Variants in GIPC2 observed in about 807,000 individuals in gnomAD.
The protein encoded by GIPC2 is GIPC PDZ domain containing family member 2.
A neutral mutation model predicts 30.6 loss-of-function variants in GIPC2; 30 were observed. The observed-to-expected ratio is 0.98, with a 90% CI of 0.73 to 1.33. The LOEUF is 1.33. Among genes scored for constraint, GIPC2 ranks in the 40% most tolerant of loss-of-function variants. The pLI is 0.00. For missense variants in GIPC2, 414 were observed against 390.3 expected, an observed-to-expected ratio of 1.06 and a Z score of -0.51; for synonymous variants, 167 against 150.0, an observed-to-expected ratio of 1.11 and a Z score of -0.83.
intron 2 of GIPC2, among the ~76,000 whole-genome samples, chr1:78,087,419 A>T (rs1325675896): frequency 6.6e-6 from 1 of 152,204 alleles, no homozygotes; most frequent in Non-Finnish European, 1.5e-5. Context: ...ATGGAACAGA[A>T]TAGAGAGCCC....
chr1:78,130,741 T>C lies in GIPC2; in HGVS notation c.796+4779T>C, dbSNP rs565562042. On this transcript the variant is annotated intron_variant, in intron 5 of 5. Transcript: ENST00000370759. ...GTTTGATAACTTGCCCAAAGTTACC[T>C]AAGAAGTTAAAAACTAAGATTTAAT... Among the ~76,000 whole-genome samples, 358 of 152,296 alleles carry C rather than the reference T, an allele frequency of 2.4e-3. 1 individual carries two copies. Among genetic ancestry groups the C allele is most frequent in the African/African-American group, 8.2e-3 (343 of 41,578 alleles).
intron 3 of GIPC2, among the ~76,000 whole-genome samples, chr1:78,114,794 A>G (rs973268536): frequency 6.6e-6 from 1 of 152,190 alleles, no homozygotes; most frequent in Non-Finnish European, 1.5e-5. Context: ...TAAACTATGG[A>G]CATTGGGTGA....
rs1014841633 is a variant in GIPC2, at chr1:78,092,106, A to G, written c.427-2846A>G. 17 of 1,196,190 alleles carry G rather than the reference A, an allele frequency of 1.4e-5. No homozygotes were observed. In the Admixed American group the frequency reaches 2.4e-4, roughly 17 times the overall value. The allele number at this position is 1,196,190 out of a possible 1,614,324, so 74.1% of individuals were successfully genotyped here. A position where few individuals can be genotyped will look rare whatever the true frequency, so the allele number is the denominator to read the frequency against. On this transcript the variant is annotated intron_variant, in intron 2 of 5. Coordinates refer to ENST00000370759, the MANE Select transcript of GIPC2 (RefSeq NM_017655.6). The stretch of plus-strand genomic sequence containing the variant: ...TTTGTGTCTGTGGGTGGCCTGTGGT[A>G]TATGGAAAAGTAGCAGGGTGTTCAG...
At chr1:78,113,589 A>C (rs760951538) in intron 3 of GIPC2, among the ~76,000 whole-genome samples, 1 of 152,058 alleles carries the variant, frequency 6.6e-6, no homozygotes, top group African/African-American at 2.4e-5. Context: ...GAGTTTCACC[A>C]TATTGCCTAG....
chr1:78,130,026 G>T (rs150454051), intron 5 of GIPC2, among the ~76,000 whole-genome samples: 1 of 149,558 alleles, frequency 6.7e-6, no homozygotes, highest in South Asian at 2.1e-4. Context: ...TATGAAGTCT[G>T]TTATAGCTCT....
intron 3 of GIPC2, among the ~76,000 whole-genome samples, chr1:78,114,529 G>T (rs747277411): frequency 2.0e-5 from 3 of 152,072 alleles, no homozygotes; most frequent in Non-Finnish European, 4.4e-5. Context: ...TTCCTTAGAG[G>T]TGAAAACTGC....
intron 3 of GIPC2, chr1:78,112,556 G>A (rs1662490740): frequency 1.9e-6 from 1 of 518,858 alleles, no homozygotes; most frequent in Non-Finnish European, 3.8e-6. Flanking sequence ...GGCTCTCATG[G>A]GACCAGAACA....
rs540952224 is a variant in GIPC2, at chr1:78,087,271, A to G, written c.426+6411A>G. On this transcript the variant is annotated intron_variant, in intron 2 of 5. Coordinates refer to ENST00000370759, the MANE Select transcript of GIPC2 (RefSeq NM_017655.6). The stretch of plus-strand genomic sequence containing the variant: ...AAATTCATATGGAACAACAGTGACA[A>G]AAAAGCCTGAATAGCCAAGATAATC... 1.6e-4 allele frequency among the ~76,000 whole-genome samples: 25 copies of G among 152,352 alleles called. No individual in the cohort carries two copies. The South Asian group carries it at 4.3e-3, about 26-fold the overall frequency.
chr1:78,080,504 G>C (rs1661802786), intron 1 of GIPC2, among the ~76,000 whole-genome samples, 171 bp from the exon 2 acceptor site: 4 of 152,116 alleles, frequency 2.6e-5, no homozygotes, highest in Admixed American at 2.6e-4. Context: ...TAATGCTACT[G>C]TCTGAAAATG....
intron 3 of GIPC2, among the ~76,000 whole-genome samples, chr1:78,108,362 A>G (rs552590344): frequency 2.5e-4 from 38 of 152,352 alleles, no homozygotes; most frequent in Middle Eastern, 3.4e-3. Flanking sequence ...GCTTTCTTAA[A>G]TGACATCTTA....
chr1:78,087,050 A>G (rs762778054), intron 2 of GIPC2, among the ~76,000 whole-genome samples: 14 of 152,168 alleles, frequency 9.2e-5, no homozygotes, highest in Non-Finnish European at 1.6e-4. Flanking sequence ...ATGTGTAAGT[A>G]TGTTTTGTAT....
chr1:78,095,676 T>C (rs1662124470), intron 3 of GIPC2, among the ~76,000 whole-genome samples: 1 of 152,198 alleles, frequency 6.6e-6, no homozygotes. Context: ...TTGCTTGGTT[T>C]TAGCCATGAC....
At chr1:78,055,438 T>C (rs905130086) in intron 1 of GIPC2, among the ~76,000 whole-genome samples, 2 of 152,168 alleles carry the variant, frequency 1.3e-5, no homozygotes, top group African/African-American at 4.8e-5. Flanking sequence ...CCATGGACAG[T>C]TGGAACGTTG....
At chr1:78,099,786 A>G (rs1451863174) in intron 3 of GIPC2, among the ~76,000 whole-genome samples, 4 of 151,980 alleles carry the variant, frequency 2.6e-5, no homozygotes, top group Non-Finnish European at 5.9e-5. Context: ...TGAAGGTATG[A>G]ATGGTGCTTA....
At chr1:78,053,973 A>G (rs529447806) in intron 1 of GIPC2, among the ~76,000 whole-genome samples, 2 of 152,162 alleles carry the variant, frequency 1.3e-5, no homozygotes, top group South Asian at 2.1e-4. Flanking sequence ...CAAACCAATT[A>G]CTACCAGCCA....
At position 78,135,789 on chromosome 1, in the gene GIPC2, T is replaced by C. The variant is rs1052820650; in HGVS notation, c.*46T>C. The C allele has an allele frequency of 1.3e-6, 2 of 1,544,130 alleles. No individual in the cohort carries two copies. Among genetic ancestry groups the C allele is most frequent in the Non-Finnish European group, 1.8e-6 (2 of 1,140,458 alleles). Reference sequence around the variant, plus strand: ...AGAAACAACCCATCGTTCTTTTTTTTCTCTTTTTTAAAAAGTCCTATAAGA... The same window carrying C: ...AGAAACAACCCATCGTTCTTTTTTTCCTCTTTTTTAAAAAGTCCTATAAGA... On this transcript the variant is annotated 3_prime_UTR_variant, in exon 6 of 6. Coordinates refer to ENST00000370759, the MANE Select transcript of GIPC2 (RefSeq NM_017655.6).
intron 1 of GIPC2, among the ~76,000 whole-genome samples, chr1:78,067,383 T>A (rs1661538265): frequency 6.6e-6 from 1 of 152,182 alleles, no homozygotes; most frequent in Non-Finnish European, 1.5e-5. Context: ...GTTCAATAAA[T>A]GTTACTCCTG....
chr1:78,117,769 A>T lies in GIPC2; in HGVS notation c.608-1624A>T, dbSNP rs75652077. On this transcript the variant is annotated intron_variant, in intron 3 of 5. Transcript: ENST00000370759. ...TCAAGGAAGCGCACGGTATTTGCAG[A>T]GGTTATAAATTAGTATCCTGTGGTT... Among the ~76,000 whole-genome samples the T allele has an allele frequency of 5.7e-3, 863 of 152,234 alleles. 10 individuals are homozygous for T. The highest frequency in any genetic ancestry group is 0.02 in the African/African-American group (833 of 41,540).
At chr1:78,134,350 GTGTGTGTGTGTGTATGTA>G (rs1291196666) in intron 5 of GIPC2, among the ~76,000 whole-genome samples, 2 of 151,876 alleles carry the variant, frequency 1.3e-5, no homozygotes, top group East Asian at 1.9e-4. Flanking sequence ...ATGTATGTGT[GTGTGTGTGTGTGTATGTA>G]TGTGTGTGTG....
Sources: allele counts gnomAD v4.1 joint callset (sites outside exome capture counted in the v4.1 genomes callset), GRCh38; gene constraint gnomAD v4.1.1; transcripts MANE v1.5; gene names NCBI Gene and HGNC (gene_info 2026-07-23, HGNC 2026-07-21).